The following CSMD1 variants were observed in gnomAD, a reference collection of about 807,000 sequenced individuals.
CSMD1 encodes the protein CUB and Sushi multiple domains 1.
In CSMD1, 213 loss-of-function variants were observed where a neutral mutation model predicts 417.5. That is an observed-to-expected ratio of 0.51 (90% CI 0.46 to 0.57). CSMD1 has a LOEUF of 0.57. Among genes scored for constraint, CSMD1 ranks in the 20% least tolerant of loss-of-function variants. The probability of loss-of-function intolerance (pLI) is 0.00; values close to 1 mark genes in which losing one functional copy is unlikely to be tolerated. For synonymous variants in CSMD1, 2,862 were observed against 1,736.8 expected (o/e 1.65, Z -16.11); for missense variants, 6,923 against 4,529.7 (o/e 1.53, Z -15.17).
At chr8:4,764,224 T>G (rs1362187493) in intron 1 of CSMD1, among the ~76,000 whole-genome samples, 2 of 152,226 alleles carry the variant, frequency 1.3e-5, no homozygotes, top group East Asian at 1.9e-4. Flanking sequence ...TAATAAAAGT[T>G]AGACAGTCGT....
chr8:4,116,882 T>A (rs1802183326), intron 3 of CSMD1, among the ~76,000 whole-genome samples: 1 of 151,972 alleles, frequency 6.6e-6, no homozygotes, highest in Non-Finnish European at 1.5e-5. Context: ...AGAAAAAGAA[T>A]AAGCTTTCTG....
At chr8:4,653,944 G>T (rs914056071) in intron 1 of CSMD1, among the ~76,000 whole-genome samples, 1 of 151,946 alleles carries the variant, frequency 6.6e-6, no homozygotes, top group South Asian at 2.1e-4. Flanking sequence ...TATCACAGAG[G>T]ATATTTTAGG....
intron 49 of CSMD1, among the ~76,000 whole-genome samples, chr8:3,074,465 G>A (rs1020300028): frequency 6.6e-6 from 1 of 152,198 alleles, no homozygotes; most frequent in African/African-American, 2.4e-5. Context: ...ACCTTCACCA[G>A]GCTCCTCAAA....
At chr8:3,528,363 G>A (rs1425845121) in intron 10 of CSMD1, among the ~76,000 whole-genome samples, 1 of 152,184 alleles carries the variant, frequency 6.6e-6, no homozygotes, top group Non-Finnish European at 1.5e-5. Context: ...ACAGGCACAA[G>A]AGAATACAAA....
intron 12 of CSMD1, among the ~76,000 whole-genome samples, chr8:3,422,065 G>A (rs1183854008): frequency 5.4e-5 from 8 of 148,542 alleles, no homozygotes; most frequent in South Asian, 2.1e-4. Context: ...ATGTCCTAGC[G>A]TGGATTCTAT....
chr8:4,463,543 T>G (rs1389784375), intron 2 of CSMD1, among the ~76,000 whole-genome samples: 2 of 152,164 alleles, frequency 1.3e-5, no homozygotes, highest in African/African-American at 4.8e-5. Flanking sequence ...ACATGGTCTA[T>G]ATCCATCATA....
At chr8:3,709,852 T>TGC (rs1376212357) in intron 6 of CSMD1, among the ~76,000 whole-genome samples, 2 of 149,438 alleles carry the variant, frequency 1.3e-5, no homozygotes. Flanking sequence ...TGTGTGTACG[T>TGC]GTGTGTGTGT....
chr8:4,400,443 G>T (rs1214340062), intron 3 of CSMD1, among the ~76,000 whole-genome samples: 1 of 152,232 alleles, frequency 6.6e-6, no homozygotes, highest in African/African-American at 2.4e-5. Context: ...CATGTATGCA[G>T]ACATCGAGAT....
At chr8:4,225,673 G>T (rs1385881094) in intron 3 of CSMD1, among the ~76,000 whole-genome samples, 4 of 152,124 alleles carry the variant, frequency 2.6e-5, no homozygotes, top group Non-Finnish European at 5.9e-5. Context: ...AAGTGGTGAT[G>T]CCTTAGGAAA....
chr8:4,426,325 A>T (rs996340933), intron 2 of CSMD1, among the ~76,000 whole-genome samples: 1 of 151,024 alleles, frequency 6.6e-6, no homozygotes, highest in Admixed American at 6.6e-5. Flanking sequence ...AGTTTTTTTA[A>T]TTATGTAGTA....
At position 4,056,505 on chromosome 8, in the gene CSMD1, G is replaced by A. The variant is rs199713141; in HGVS notation, c.416-24406C>T. Among the ~76,000 whole-genome samples, 34 of 151,590 alleles carry A rather than the reference G, an allele frequency of 2.2e-4. No individual in the cohort carries two copies. In the East Asian group the frequency reaches 5.8e-3, roughly 26 times the overall value. On this transcript the variant is annotated intron_variant, in intron 3 of 69. Coordinates refer to ENST00000635120, the MANE Select transcript of CSMD1 (RefSeq NM_033225.6). ...GGCTGAGAGTCCTGAAAAATATTGG[G>A]CTACTAAGGAAAGCATTTAATTTCA...
At chr8:3,661,815 T>G (rs1200744392) in intron 7 of CSMD1, among the ~76,000 whole-genome samples, 2 of 152,036 alleles carry the variant, frequency 1.3e-5, no homozygotes, top group African/African-American at 2.4e-5. Flanking sequence ...TAAATTTAAT[T>G]CAGATGAAGT....
At chr8:4,357,584 T>A (rs920229825) in intron 3 of CSMD1, among the ~76,000 whole-genome samples, 3 of 152,178 alleles carry the variant, frequency 2.0e-5, no homozygotes, top group African/African-American at 7.2e-5. Context: ...ATGGTCTGCT[T>A]AGTATTAGTC....
chr8:4,838,289 A>G (rs1413790237), intron 1 of CSMD1, among the ~76,000 whole-genome samples: 1 of 152,342 alleles, frequency 6.6e-6, no homozygotes, highest in South Asian at 2.1e-4. Context: ...AGGAGACGTC[A>G]GTCACTGTGC....
chr8:3,014,697 G>C (rs1013390555), intron 52 of CSMD1, among the ~76,000 whole-genome samples: 3 of 152,142 alleles, frequency 2.0e-5, no homozygotes, highest in Non-Finnish European at 4.4e-5. Context: ...AGGATTGCTT[G>C]AGCCCAGGAG....
At chr8:4,045,073 G>C (rs180737664) in intron 3 of CSMD1, among the ~76,000 whole-genome samples, 111 of 152,282 alleles carry the variant, frequency 7.3e-4, no homozygotes, top group African/African-American at 2.4e-3. Flanking sequence ...CCTGAGGTAT[G>C]GTGTGGAGGC....
At chr8:4,053,098 C>A (rs897838073) in intron 3 of CSMD1, among the ~76,000 whole-genome samples, 3 of 152,128 alleles carry the variant, frequency 2.0e-5, no homozygotes, top group African/African-American at 7.2e-5. Context: ...TAAGAAGGGG[C>A]TGATACGAGG....
At chr8:4,193,651 G>C (rs764825609) in intron 3 of CSMD1, among the ~76,000 whole-genome samples, 22 of 152,220 alleles carry the variant, frequency 1.4e-4, no homozygotes, top group Middle Eastern at 3.4e-3. Flanking sequence ...CCAGTGTTTA[G>C]TATTTACCCA....
chr8:3,286,876 T>G (rs1803202586), intron 25 of CSMD1, among the ~76,000 whole-genome samples: 1 of 152,192 alleles, frequency 6.6e-6, no homozygotes. Flanking sequence ...GCTTTTGGTG[T>G]TTTAGACATG....
Sources: gnomAD v4.1 joint callset for allele counts (sites outside exome capture counted in the v4.1 genomes callset) on GRCh38, gnomAD v4.1.1 for gene constraint, MANE v1.5 for transcripts, NCBI Gene and HGNC (gene_info 2026-07-23, HGNC 2026-07-21) for gene names.